NEDD4L: variants seen among roughly 807,000 people sequenced by gnomAD.
NEDD4L encodes the protein E3 ubiquitin-protein ligase NEDD4-like.
NEDD4L carries 54 observed loss-of-function variants against 148.9 expected under a neutral mutation model. The observed-to-expected ratio is 0.36, with a 90% confidence interval of 0.29 to 0.45. The LOEUF (loss-of-function observed/expected upper bound fraction) is 0.45. Among genes scored for constraint, NEDD4L ranks in the 20% least tolerant of loss-of-function variants. The pLI is 1.00. For synonymous variants in NEDD4L, 433 were observed against 440.7 expected, an observed-to-expected ratio of 0.98 and a Z score of 0.22; for missense variants, 856 against 1,233.8, an observed-to-expected ratio of 0.69 and a Z score of 4.59.
chr18:58,328,259 C>G (rs962541161), intron 9 of NEDD4L, among the ~76,000 whole-genome samples: 4 of 152,112 alleles, frequency 2.6e-5, no homozygotes, highest in Middle Eastern at 3.2e-3. Context: ...GCCACCATGC[C>G]CAGCCCAAAA....
In NEDD4L at chr18:58,328,987, A is replaced by ATG. The variant is rs1462316489; in HGVS notation, c.681-7_681-6dup. ...CTTCTTCTCTTTCCCCCTTTCCTGC[A>ATG]TGCTCAGGGACGTGTCCTCGGAGTC... On this transcript the variant is annotated splice_polypyrimidine_tract_variant and splice_region_variant and intron_variant, in intron 9 of 30. Transcript: ENST00000400345. The ATG allele has an allele frequency of 6.2e-7, 1 of 1,613,898 alleles. No homozygotes were observed. The highest frequency in any genetic ancestry group is 8.5e-7 in the Non-Finnish European group (1 of 1,179,834).
At chr18:58,255,406 C>A in intron 5 of NEDD4L, 1 of 871,740 alleles carries the variant, frequency 1.1e-6, no homozygotes, top group Non-Finnish European at 1.5e-6. Context: ...TGGTTCTGGC[C>A]ACCCTACCCT....
intron 1 of NEDD4L, among the ~76,000 whole-genome samples, chr18:58,057,571 T>A (rs1013921423): frequency 1.3e-5 from 2 of 152,168 alleles, no homozygotes; most frequent in African/African-American, 4.8e-5. Context: ...CTGCTTGGCA[T>A]TAGTCTGGGG....
chr18:58,070,962 T>C (rs1267837301), intron 1 of NEDD4L, among the ~76,000 whole-genome samples: 7 of 152,130 alleles, frequency 4.6e-5, no homozygotes, highest in South Asian at 2.1e-4. Flanking sequence ...TTGTATTAGA[T>C]AAAATTTCTA....
intron 23 of NEDD4L, 72 bp downstream of exon 23, chr18:58,370,539 T>C (rs746364607): frequency 2.0e-6 from 2 of 992,532 alleles, no homozygotes; most frequent in African/African-American, 3.2e-5. Context: ...TGGAGAGCCA[T>C]ATTTGTAGTC....
intron 2 of NEDD4L, among the ~76,000 whole-genome samples, chr18:58,212,506 C>T (rs569570199): frequency 2.6e-5 from 4 of 152,254 alleles, no homozygotes; most frequent in South Asian, 2.1e-4. Context: ...ATCATGAGAA[C>T]GGCATGGGAA....
At chr18:58,052,770 A>G (rs2081933589) in intron 1 of NEDD4L, among the ~76,000 whole-genome samples, 1 of 152,100 alleles carries the variant, frequency 6.6e-6, no homozygotes, top group Non-Finnish European at 1.5e-5. Flanking sequence ...GTTCAAGACC[A>G]GCCTGACCAA....
At chr18:58,056,272 A>G (rs1203610079) in intron 1 of NEDD4L, among the ~76,000 whole-genome samples, 4 of 152,230 alleles carry the variant, frequency 2.6e-5, no homozygotes. Context: ...CTCACCCCCA[A>G]AAAGTGACAG....
Position 58,124,119 on chromosome 18 carries a change from G to A in NEDD4L, c.49-41669G>A, listed in dbSNP as rs1288382053. Reference sequence around the variant, plus strand: ...CTGCCCTCTCCAGCGCCTGCCTTCCGATTGCCCCTTCCAGTCTAGTAACTG... The same window carrying A: ...CTGCCCTCTCCAGCGCCTGCCTTCCAATTGCCCCTTCCAGTCTAGTAACTG... On this transcript the variant is annotated intron_variant, in intron 1 of 30. Coordinates refer to ENST00000400345, the MANE Select transcript of NEDD4L (RefSeq NM_001144967.3). 3.9e-5 allele frequency among the ~76,000 whole-genome samples: 6 copies of A among 152,076 alleles called. No individual in the cohort carries two copies. The East Asian group carries it at 5.8e-4, about 15-fold the overall frequency.
At chr18:58,239,580 A>C (rs1177663109) in intron 2 of NEDD4L, among the ~76,000 whole-genome samples, 3 of 152,252 alleles carry the variant, frequency 2.0e-5, no homozygotes, top group African/African-American at 7.2e-5. Flanking sequence ...AGCAAATAAT[A>C]GGTGTGAAAG....
At chr18:58,223,594 C>G (rs1261757182) in intron 2 of NEDD4L, among the ~76,000 whole-genome samples, 1 of 152,076 alleles carries the variant, frequency 6.6e-6, no homozygotes, top group African/African-American at 2.4e-5. Flanking sequence ...AGGGTTTTAC[C>G]AAGTCAGTTT....
chr18:58,355,972 C>T (rs530326046), intron 18 of NEDD4L, among the ~76,000 whole-genome samples: 12 of 152,162 alleles, frequency 7.9e-5, no homozygotes, highest in Non-Finnish European at 1.6e-4. Context: ...CACTCCCCCG[C>T]CCCGGTCCCC....
intron 24 of NEDD4L, among the ~76,000 whole-genome samples, chr18:58,376,484 T>G (rs986342319): frequency 6.6e-6 from 1 of 152,186 alleles, no homozygotes; most frequent in African/African-American, 2.4e-5. Context: ...GGAAGGAATT[T>G]AGAGCAAGTT....
intron 1 of NEDD4L, among the ~76,000 whole-genome samples, chr18:58,047,968 A>G (rs2081665518): frequency 6.6e-6 from 1 of 152,242 alleles, no homozygotes; most frequent in South Asian, 2.1e-4. Flanking sequence ...GCTTCTTATC[A>G]CATTAGATAT....
chr18:58,291,966 A>G (rs189363226), intron 5 of NEDD4L, among the ~76,000 whole-genome samples: 2 of 152,340 alleles, frequency 1.3e-5, no homozygotes, highest in Admixed American at 6.5e-5. Flanking sequence ...TATAAAAAGC[A>G]CATTCGTATA....
At chr18:58,179,486 C>T (rs766698737) in intron 2 of NEDD4L, among the ~76,000 whole-genome samples, 3 of 151,978 alleles carry the variant, frequency 2.0e-5, no homozygotes, top group South Asian at 4.2e-4. Flanking sequence ...CAGGGGTCTC[C>T]AACTCCTGTG....
rs985732869 is a variant in NEDD4L, at chr18:58,066,680, G to A, written c.48+21972G>A. 2.0e-5 allele frequency among the ~76,000 whole-genome samples: 3 copies of A among 152,108 alleles called. No homozygotes were observed. The East Asian group carries it at 5.8e-4, about 29-fold the overall frequency. On this transcript the variant is annotated intron_variant, in intron 1 of 30. Transcript: ENST00000400345. Reference sequence around the variant, plus strand: ...ACTGCGTAATTTATAAAGAAAAGAGGTTTAATTGGCTCACGATTCTGCAGG... The same window carrying A: ...ACTGCGTAATTTATAAAGAAAAGAGATTTAATTGGCTCACGATTCTGCAGG...
chr18:58,104,113 G>T (rs373870521), intron 1 of NEDD4L, among the ~76,000 whole-genome samples: 1 of 152,210 alleles, frequency 6.6e-6, no homozygotes, highest in Non-Finnish European at 1.5e-5. Flanking sequence ...ATATATCCAC[G>T]CACTGGAATA....
At chr18:58,247,359 G>C (rs1301946424) in intron 3 of NEDD4L, 1 of 152,150 alleles carries the variant, frequency 6.6e-6, no homozygotes. Flanking sequence ...GGATGCCTGC[G>C]AGGGACGGAG....
Sources: gnomAD v4.1 joint callset for allele counts (sites outside exome capture counted in the v4.1 genomes callset) on GRCh38, gnomAD v4.1.1 for gene constraint, MANE v1.5 for transcripts, NCBI Gene and HGNC (gene_info 2026-07-23, HGNC 2026-07-21) for gene names.